PARP8: variants seen among roughly 807,000 people sequenced by gnomAD.
The protein encoded by PARP8 is poly(ADP-ribose) polymerase family member 8.
A neutral mutation model predicts 124.1 loss-of-function variants in PARP8; 51 were observed. The observed-to-expected ratio is 0.41, with a 90% CI of 0.33 to 0.52. The LOEUF is 0.52. PARP8 is among the 20% of genes least tolerant of loss of function. The pLI is 0.21. For synonymous variants in PARP8, 391 were observed against 361.5 expected, an observed-to-expected ratio of 1.08 and a Z score of -0.93; for missense variants, 860 against 1,018.9, an observed-to-expected ratio of 0.84 and a Z score of 2.12.
Position 50,807,755 on chromosome 5 carries a change from T to C in PARP8, c.1576-7677T>C, listed in dbSNP as rs80233007. Among the ~76,000 whole-genome samples, 479 of 152,210 alleles carry C rather than the reference T, an allele frequency of 3.1e-3. 3 individuals are homozygous for C. The highest frequency in any genetic ancestry group is 5.1e-3 in the Non-Finnish European group (345 of 67,972). On this transcript the variant is annotated intron_variant, in intron 14 of 25. Coordinates refer to ENST00000281631, the MANE Select transcript of PARP8 (RefSeq NM_024615.4). ...TGCAAAGCTGGGCTTCTGTCTTTGA[T>C]ACTTGGCAATCGTTCTATGTGTCCT...
At chr5:50,737,899 A>T (rs955109412) in intron 2 of PARP8, among the ~76,000 whole-genome samples, 1 of 152,230 alleles carries the variant, frequency 6.6e-6, no homozygotes, top group African/African-American at 2.4e-5. Context: ...TAATCAAAAT[A>T]TGTCATCAAA....
chr5:50,774,689 C>T (rs187163903), intron 7 of PARP8, among the ~76,000 whole-genome samples: 4,595 of 133,540 alleles, frequency 0.034, 309 homozygotes, highest in African/African-American at 0.13. Context: ...CGGGCAGAGG[C>T]GCTCCTTACT....
Position 50,826,934 on chromosome 5 carries a change from C to A in PARP8, c.1977+131C>A, listed in dbSNP as rs1366193701. On this transcript the variant is annotated intron_variant, in intron 19 of 25. Transcript: ENST00000281631. ...AAGTAAACCCAGGTTAAATATAATT[C>A]TTTAGTTTGAAATAGCCATTGCTCA... is the stretch of plus-strand genomic sequence containing the variant. 5.3e-6 allele frequency: 7 copies of A among 1,324,764 alleles called. No individual in the cohort carries two copies. The African/African-American group carries it at 7.8e-5, about 15-fold the overall frequency. 82.1% of individuals were successfully genotyped at this position (1,324,764 alleles called of 1,614,324 possible). A position where few individuals can be genotyped will look rare whatever the true frequency, so the allele number is the denominator to read the frequency against.
rs186693253 is a variant in PARP8 at position 50,764,896 on chromosome 5, T to A, written c.518+1654T>A. Among the ~76,000 whole-genome samples, 49 of 152,062 alleles carry A rather than the reference T, an allele frequency of 3.2e-4. 1 individual carries two copies. In the East Asian group the frequency reaches 7.0e-3, roughly 22 times the overall value. ...AAGCACAATAATCTACATCTCGATATACACCAAAATATGTCTATGGGATAT... is the reference window on the plus strand; with the variant it reads ...AAGCACAATAATCTACATCTCGATAAACACCAAAATATGTCTATGGGATAT... On this transcript the variant is annotated intron_variant, in intron 7 of 25. Transcript: ENST00000281631.
At chr5:50,698,231 T>A (rs1326703933) in intron 2 of PARP8, among the ~76,000 whole-genome samples, 2 of 152,204 alleles carry the variant, frequency 1.3e-5, no homozygotes, top group African/African-American at 4.8e-5. Flanking sequence ...TAAGAAAACC[T>A]CAGAGAACAA....
Position 50,788,552 on chromosome 5 carries a change from A to C in PARP8, c.700A>C (p.Thr234Pro). The change falls in exon 10 of 26, where the codon ACA becomes CCA. Residue 234 changes from threonine (T) to proline (P), a missense_variant. Thr to Pro is a conservative substitution (Grantham distance 38). This residue lies in a region of PARP8 where 517 missense variants were observed against 544.2 expected (regional missense o/e 0.95). Transcript: ENST00000281631. ...VPTVDVFQIS[T>P]KERFGLGHQL... Reference sequence around the variant, plus strand: ...CACTGTTGATGTCTTTCAGATTTCCACAAAAGAGCGATTTGGATTGGGACA... The same window carrying C: ...CACTGTTGATGTCTTTCAGATTTCCCCAAAAGAGCGATTTGGATTGGGACA... 6.2e-7 allele frequency: 1 copy of C among 1,613,464 alleles called. No homozygotes were observed.
chr5:50,792,966 C>T (rs538717741), intron 10 of PARP8, among the ~76,000 whole-genome samples: 21 of 152,226 alleles, frequency 1.4e-4, no homozygotes, highest in African/African-American at 4.8e-4. Context: ...CTAAGAGTCA[C>T]ATCTGTCCCT....
intron 2 of PARP8, among the ~76,000 whole-genome samples, chr5:50,690,876 G>A (rs1443470096): frequency 6.6e-6 from 1 of 152,128 alleles, no homozygotes; most frequent in Admixed American, 6.5e-5. Context: ...ATTATCCATA[G>A]TAGTTCTCTA....
chr5:50,696,968 A>G (rs1028443162), intron 2 of PARP8, among the ~76,000 whole-genome samples: 11 of 152,156 alleles, frequency 7.2e-5, no homozygotes, highest in African/African-American at 2.7e-4. Context: ...CAGCTAGGAC[A>G]TTAAGAAGAA....
intron 15 of PARP8, 117 bp from the exon 16 acceptor site, chr5:50,821,096 G>C: frequency 1.7e-6 from 2 of 1,182,646 alleles, no homozygotes; most frequent in South Asian, 2.8e-5. Flanking sequence ...ACATTTGAGA[G>C]ATTGGTAGCA....
At chr5:50,761,670 T>C in intron 5 of PARP8, 151 bp from the exon 6 acceptor site, 1 of 472,580 alleles carries the variant, frequency 2.1e-6, no homozygotes, top group South Asian at 2.9e-5. Context: ...TGTCTCCCAC[T>C]ACCTTTTGTT....
intron 3 of PARP8, among the ~76,000 whole-genome samples, chr5:50,751,530 G>A (rs908228928): frequency 5.9e-5 from 9 of 151,914 alleles, no homozygotes; most frequent in Non-Finnish European, 1.5e-5. Flanking sequence ...TAAATACCGG[G>A]GCAGAATTTT....
At chr5:50,741,547 C>T (rs282559) in intron 2 of PARP8, among the ~76,000 whole-genome samples, 137,542 of 152,246 alleles carry the variant, frequency 0.9, 62,188 homozygotes, top group East Asian at 1. Context: ...ATTTAACTTA[C>T]AGTGTAATAT....
At chr5:50,698,449 C>T (rs758288375) in intron 2 of PARP8, among the ~76,000 whole-genome samples, 4 of 152,054 alleles carry the variant, frequency 2.6e-5, no homozygotes, top group Non-Finnish European at 5.9e-5. Context: ...CTTCATATCC[C>T]CTTCTTATTC....
intron 2 of PARP8, among the ~76,000 whole-genome samples, chr5:50,729,927 T>G (rs1398546146): frequency 6.6e-6 from 1 of 152,234 alleles, no homozygotes; most frequent in East Asian, 1.9e-4. Context: ...GAATTCATTT[T>G]ACAATGCAGA....
At position 50,739,193 on chromosome 5, in the gene PARP8, G is replaced by A. The variant is rs1757772567; in HGVS notation, c.147-10958G>A. The A allele has an allele frequency of 1.3e-5, 8 of 637,174 alleles. No individual in the cohort carries two copies. In the South Asian group the frequency reaches 1.3e-4, roughly 11 times the overall value. The allele number at this position is 637,174 out of a possible 1,614,324, so 39.5% of individuals were successfully genotyped here. A position where few individuals can be genotyped will look rare whatever the true frequency, so the allele number is the denominator to read the frequency against. The stretch of plus-strand genomic sequence containing the variant: ...GCTAGGTAACTCCTTTCCTTCCATT[G>A]CAGGGGGATCTGTTATCCTGATGGC... On this transcript the variant is annotated intron_variant, in intron 2 of 25. Coordinates refer to ENST00000281631, the MANE Select transcript of PARP8 (RefSeq NM_024615.4).
chr5:50,833,399 C>G (rs1188976812), intron 23 of PARP8: 4 of 453,652 alleles, frequency 8.8e-6, no homozygotes, highest in South Asian at 4.7e-5. Flanking sequence ...GAATGACCAT[C>G]AATCCCATGT....
At chr5:50,672,550 C>G (rs1430272920) in intron 2 of PARP8, among the ~76,000 whole-genome samples, 1 of 152,206 alleles carries the variant, frequency 6.6e-6, no homozygotes, top group Non-Finnish European at 1.5e-5. Context: ...TATAAGTCCA[C>G]TTCTCTGGGT....
chr5:50,695,565 T>C (rs753365489), intron 2 of PARP8, among the ~76,000 whole-genome samples: 6 of 152,246 alleles, frequency 3.9e-5, no homozygotes, highest in Non-Finnish European at 7.3e-5. Context: ...ACTAATCTTT[T>C]GTGGCTCTTT....
Sources: gnomAD v4.1 joint callset for allele counts (sites outside exome capture counted in the v4.1 genomes callset) on GRCh38, gnomAD v4.1.1 for gene constraint, gnomAD v4.1.1 regional missense constraint, MANE v1.5 for transcripts, NCBI Gene and HGNC (gene_info 2026-07-23, HGNC 2026-07-21) for gene names.